KSR2: variants seen among roughly 807,000 people sequenced by gnomAD.
KSR2 encodes the protein kinase suppressor of ras 2.
A neutral mutation model predicts 107.8 loss-of-function variants in KSR2; 25 were observed. That is an observed-to-expected ratio of 0.23 (90% CI 0.17 to 0.32). The LOEUF is 0.32. KSR2 is among the 10% of genes least tolerant of loss of function. The probability of loss-of-function intolerance (pLI) is 1.00; values close to 1 mark genes in which losing one functional copy is unlikely to be tolerated. For missense variants in KSR2, 887 were observed against 1,268.9 expected, an observed-to-expected ratio of 0.70 and a Z score of 4.57; for synonymous variants, 480 against 507.0, an observed-to-expected ratio of 0.95 and a Z score of 0.71.
intron 5 of KSR2, among the ~76,000 whole-genome samples, chr12:117,605,154 G>A (rs993578053): frequency 6.6e-6 from 1 of 152,086 alleles, no homozygotes; most frequent in Non-Finnish European, 1.5e-5. Flanking sequence ...TGAGGAATGG[G>A]GTGTTCTAAG....
chr12:117,692,271 C>T (rs753942637), intron 4 of KSR2, among the ~76,000 whole-genome samples: 17 of 151,650 alleles, frequency 1.1e-4, no homozygotes, highest in Non-Finnish European at 1.6e-4. Flanking sequence ...ACTTCACAAC[C>T]GCTAGGGTAG....
intron 3 of KSR2, among the ~76,000 whole-genome samples, chr12:117,831,049 C>T (rs899521642): frequency 2.6e-5 from 4 of 152,042 alleles, no homozygotes; most frequent in Admixed American, 6.6e-5. Flanking sequence ...CCTGGGGAAC[C>T]GGCAGAGCAT....
intron 1 of KSR2, among the ~76,000 whole-genome samples, chr12:117,912,158 C>T (rs1050597253): frequency 7.9e-5 from 12 of 152,150 alleles, no homozygotes; most frequent in South Asian, 2.1e-4. Context: ...TTGTGATAAA[C>T]GAAAGTCCTG....
chr12:117,548,021 C>T (rs936845916), intron 9 of KSR2, among the ~76,000 whole-genome samples: 5 of 151,912 alleles, frequency 3.3e-5, no homozygotes, highest in Admixed American at 2.0e-4. Context: ...CGCTTGAACC[C>T]GGGAAGCAGA....
At chr12:117,734,522 T>C (rs2136749531) in intron 4 of KSR2, among the ~76,000 whole-genome samples, 1 of 152,216 alleles carries the variant, frequency 6.6e-6, no homozygotes, top group East Asian at 1.9e-4. Flanking sequence ...CAAGTTACAA[T>C]CCATACTCCA....
At chr12:117,912,803 G>T (rs982649099) in intron 1 of KSR2, among the ~76,000 whole-genome samples, 1 of 152,148 alleles carries the variant, frequency 6.6e-6, no homozygotes, top group Non-Finnish European at 1.5e-5. Flanking sequence ...CTTCAGAGAA[G>T]ACAGTGTTCT....
intron 7 of KSR2, among the ~76,000 whole-genome samples, chr12:117,574,397 CTGGGTAATT>C (rs559777195): frequency 6.6e-6 from 1 of 152,216 alleles, no homozygotes; most frequent in East Asian, 1.9e-4. Flanking sequence ...ATCCCTGAGA[CTGGGTAATT>C]TATAAAGAAA....
At chr12:117,847,340 G>A (rs1892740906) in intron 3 of KSR2, among the ~76,000 whole-genome samples, 1 of 152,232 alleles carries the variant, frequency 6.6e-6, no homozygotes, top group South Asian at 2.1e-4. Context: ...GGGCATCTGA[G>A]GCTGTCCTAT....
chr12:117,478,998 C>T (rs556286739), intron 16 of KSR2, among the ~76,000 whole-genome samples: 3 of 152,194 alleles, frequency 2.0e-5, no homozygotes, highest in Non-Finnish European at 4.4e-5. Context: ...CAGATCACAC[C>T]TGTAGAAACA....
rs753579225 is a variant in KSR2, at chr12:117,465,383, T to G, written c.*1816A>C. On this transcript the variant is annotated 3_prime_UTR_variant, in exon 20 of 20. Coordinates refer to ENST00000339824, the MANE Select transcript of KSR2 (RefSeq NM_173598.6). The stretch of plus-strand genomic sequence containing the variant: ...TGCTTAGGAGCAGCCCAAGCCGGGG[T>G]CTTTAGTCCTCTAGTCCCAGTAAGC... 2.6e-5 allele frequency: 4 copies of G among 152,016 alleles called. No homozygotes were observed. Among genetic ancestry groups the G allele is most frequent in the Non-Finnish European group, 4.4e-5 (3 of 68,014 alleles). 9.4% of individuals were successfully genotyped at this position (152,016 alleles called of 1,614,324 possible).
chr12:117,953,290 T>C (rs1896418376), intron 1 of KSR2, among the ~76,000 whole-genome samples: 1 of 152,160 alleles, frequency 6.6e-6, no homozygotes, highest in African/African-American at 2.4e-5. Context: ...AAATTAAAAA[T>C]AGCATTACCG....
At chr12:117,864,138 AG>A (rs1361782484) in intron 1 of KSR2, among the ~76,000 whole-genome samples, 1 of 152,090 alleles carries the variant, frequency 6.6e-6, no homozygotes, top group Non-Finnish European at 1.5e-5. Flanking sequence ...AGGAGAGGGG[AG>A]GGGCTGAGGA....
intron 1 of KSR2, among the ~76,000 whole-genome samples, chr12:117,954,171 G>A (rs1300597115): frequency 6.6e-6 from 1 of 152,142 alleles, no homozygotes; most frequent in Non-Finnish European, 1.5e-5. Flanking sequence ...TTTAGAGTGA[G>A]CTTGATGAGG....
intron 14 of KSR2, among the ~76,000 whole-genome samples, chr12:117,519,683 A>C (rs187087431): frequency 1.3e-5 from 2 of 152,174 alleles, no homozygotes; most frequent in Admixed American, 1.3e-4. Flanking sequence ...GAGTGTGTGC[A>C]TTTCTTTGAG....
chr12:117,499,144 A>T (rs1093298), intron 14 of KSR2, among the ~76,000 whole-genome samples: 121,922 of 152,190 alleles, frequency 0.8, 49,218 homozygotes, highest in East Asian at 0.98. Flanking sequence ...AAACGCTGAG[A>T]TCTTTTTGTT....
chr12:117,857,842 G>C (rs1342618136), intron 2 of KSR2, among the ~76,000 whole-genome samples: 1 of 152,114 alleles, frequency 6.6e-6, no homozygotes, highest in Non-Finnish European at 1.5e-5. Context: ...CCATACTTCA[G>C]TCACTTCACA....
At chr12:117,673,010 G>T (rs537031) in intron 4 of KSR2, among the ~76,000 whole-genome samples, 1 of 152,194 alleles carries the variant, frequency 6.6e-6, no homozygotes, top group Non-Finnish European at 1.5e-5. Context: ...AGATAACCAC[G>T]GTCATCTCCA....
intron 3 of KSR2, among the ~76,000 whole-genome samples, chr12:117,832,079 G>A (rs1891992776): frequency 6.6e-6 from 1 of 152,206 alleles, no homozygotes; most frequent in Non-Finnish European, 1.5e-5. Flanking sequence ...GAGGTCAGGA[G>A]TTTGAGACTA....
chr12:117,676,509 G>A (rs1047045886), intron 4 of KSR2, among the ~76,000 whole-genome samples: 1 of 152,022 alleles, frequency 6.6e-6, no homozygotes, highest in Non-Finnish European at 1.5e-5. Flanking sequence ...AGAAGGATGA[G>A]AAAAAGGAAG....
Sources: gnomAD v4.1 joint callset for allele counts (sites outside exome capture counted in the v4.1 genomes callset) on GRCh38, gnomAD v4.1.1 for gene constraint, MANE v1.5 for transcripts, NCBI Gene and HGNC (gene_info 2026-07-23, HGNC 2026-07-21) for gene names.